The following DPH6 variants were observed in gnomAD, a reference collection of about 807,000 sequenced individuals.
DPH6 encodes the protein diphthamine biosynthesis 6.
A neutral mutation model predicts 38.2 loss-of-function variants in DPH6; 33 were observed. The ratio of observed to expected loss-of-function variants is 0.86; its 90% confidence interval spans 0.65 to 1.15. The LOEUF is 1.15. DPH6 is among the 50% of genes most tolerant of loss of function. The probability of loss-of-function intolerance (pLI) is 0.00; values close to 1 mark genes in which losing one functional copy is unlikely to be tolerated. For synonymous variants in DPH6, 108 were observed against 103.0 expected, an observed-to-expected ratio of 1.05 and a Z score of -0.30; for missense variants, 325 against 320.0, an observed-to-expected ratio of 1.02 and a Z score of -0.12.
At chr15:35,361,424 CTTA>C (rs1225422716) in intron 3 of DPH6, among the ~76,000 whole-genome samples, 3 of 151,874 alleles carry the variant, frequency 2.0e-5, no homozygotes, top group African/African-American at 7.3e-5. Flanking sequence ...TTAGGTTTGT[CTTA>C]TTTTTAGTCC....
At chr15:35,388,303 C>CT (rs1194255489) in intron 6 of DPH6, among the ~76,000 whole-genome samples, 4 of 152,166 alleles carry the variant, frequency 2.6e-5, no homozygotes, top group East Asian at 3.9e-4. Flanking sequence ...CTAAAATTCT[C>CT]TTTTTTTGTG....
chr15:35,183,318 C>A, the DPH6 span, among the ~76,000 whole-genome samples: 13 of 152,180 alleles, frequency 8.5e-5, no homozygotes, highest in African/African-American at 1.2e-4. Context: ...AGGGACTGGG[C>A]ACCAAGCTGT....
intron 6 of DPH6, among the ~76,000 whole-genome samples, chr15:35,397,201 T>C (rs1219450068): frequency 6.6e-6 from 1 of 152,156 alleles, no homozygotes; most frequent in Non-Finnish European, 1.5e-5. Flanking sequence ...CCCAGCAGAG[T>C]GGTATGCTTC....
chr15:35,219,590 G>A (rs1315545270), exon 4 of DPH6: 1 of 152,098 alleles, frequency 6.6e-6, no homozygotes, highest in East Asian at 1.9e-4. Context: ...AACGTTCTGT[G>A]TATTTAGATT....
chr15:35,489,749 C>CTAT (rs2054452009), intron 3 of DPH6: 1 of 981,372 alleles, frequency 1.0e-6, no homozygotes, highest in Non-Finnish European at 1.2e-6. Context: ...TATACAGAAA[C>CTAT]TATAAAGTAT....
At chr15:35,267,943 G>C (rs768503739) in intron 3 of DPH6, among the ~76,000 whole-genome samples, 6 of 152,094 alleles carry the variant, frequency 3.9e-5, no homozygotes, top group Non-Finnish European at 8.8e-5. Flanking sequence ...GGCCGAGGCC[G>C]GCAGATCATG....
intron 3 of DPH6, among the ~76,000 whole-genome samples, chr15:35,277,596 C>T (rs958804230): frequency 2.6e-5 from 4 of 152,140 alleles, no homozygotes; most frequent in East Asian, 1.9e-4. Flanking sequence ...GAGAAGAAGA[C>T]AGAAAGATGA....
At chr15:35,373,780 G>C (rs2052744756) in intron 7 of DPH6, among the ~76,000 whole-genome samples, 172 bp from the exon 8 acceptor site, 2 of 151,878 alleles carry the variant, frequency 1.3e-5, no homozygotes, top group Non-Finnish European at 1.5e-5. Context: ...ATTGGGAAAA[G>C]GTTCAAGTAT....
intron 3 of DPH6, among the ~76,000 whole-genome samples, chr15:35,325,510 T>C (rs2052275279): frequency 6.6e-6 from 1 of 152,276 alleles, no homozygotes; most frequent in South Asian, 2.1e-4. Flanking sequence ...GCTGATTCCA[T>C]TGTATGTACA....
At chr15:35,349,551 C>T (rs572794014) in intron 3 of DPH6, among the ~76,000 whole-genome samples, 5 of 152,210 alleles carry the variant, frequency 3.3e-5, no homozygotes, top group African/African-American at 1.2e-4. Context: ...ATTCTTGTGC[C>T]TCAGCCACTG....
chr15:35,508,359 G>A (rs538019630), intron 3 of DPH6, among the ~76,000 whole-genome samples: 1 of 152,224 alleles, frequency 6.6e-6, no homozygotes, highest in South Asian at 2.1e-4. Context: ...CCTGAATGCA[G>A]TAACTAGTTG....
intron 3 of DPH6, among the ~76,000 whole-genome samples, chr15:35,484,058 T>C (rs559200966): frequency 2.6e-5 from 4 of 152,288 alleles, no homozygotes; most frequent in South Asian, 4.1e-4. Context: ...AAATTGGCAA[T>C]GTGATGGTAA....
downstream of DPH6, among the ~76,000 whole-genome samples, chr15:35,214,776 T>C (rs1005023070): frequency 2.0e-5 from 3 of 152,066 alleles, no homozygotes; most frequent in Admixed American, 6.5e-5. Flanking sequence ...CCGGCTAATT[T>C]TTTGTATTTT....
At chr15:35,520,013 A>G (rs568933033) in intron 3 of DPH6, 1 of 152,358 alleles carries the variant, frequency 6.6e-6, no homozygotes, top group South Asian at 2.1e-4. Flanking sequence ...CTCCTTATCC[A>G]TTGGAAACAG....
chr15:35,179,225 AAAG>A, the DPH6 span, among the ~76,000 whole-genome samples: 1 of 151,078 alleles, frequency 6.6e-6, no homozygotes, highest in Non-Finnish European at 1.5e-5. Flanking sequence ...AAAAAAAAAA[AAAG>A]AAAAAAAATG....
chr15:35,391,975 T>A (rs2053065603), intron 6 of DPH6, among the ~76,000 whole-genome samples: 1 of 152,054 alleles, frequency 6.6e-6, no homozygotes, highest in African/African-American at 2.4e-5. Flanking sequence ...TATTCAGCCA[T>A]CTTGATCCCA....
intron 1 of DPH6, among the ~76,000 whole-genome samples, chr15:35,544,922 GAC>G (rs2055321748): frequency 1.3e-5 from 2 of 152,142 alleles, no homozygotes; most frequent in African/African-American, 4.8e-5. Context: ...CTTAAAATAA[GAC>G]ACAATGGTTA....
At chr15:35,295,982 C>T (rs1320082010) in intron 3 of DPH6, among the ~76,000 whole-genome samples, 1 of 151,710 alleles carries the variant, frequency 6.6e-6, no homozygotes, top group Non-Finnish European at 1.5e-5. Context: ...GCACTCCAGG[C>T]AGGCTGGAGT....
chr15:35,297,028 A>C (rs1431516714), intron 3 of DPH6, among the ~76,000 whole-genome samples: 2 of 152,100 alleles, frequency 1.3e-5, no homozygotes, highest in Non-Finnish European at 2.9e-5. Context: ...CTTCCCTAGG[A>C]TCACAATAGA....
Sources: gnomAD v4.1 joint callset for allele counts (sites outside exome capture counted in the v4.1 genomes callset) on GRCh38, gnomAD v4.1.1 for gene constraint, MANE v1.5 for transcripts, NCBI Gene and HGNC (gene_info 2026-07-23, HGNC 2026-07-21) for gene names.